The following MRPL48 variants were observed in gnomAD, a reference collection of about 807,000 sequenced individuals.
MRPL48 encodes mitochondrial ribosomal protein L48, also known as large ribosomal subunit protein mL48.
Under a neutral mutation model 32.9 loss-of-function variants are expected in MRPL48, and 16 were observed. The ratio of observed to expected loss-of-function variants is 0.49; its 90% confidence interval spans 0.33 to 0.74. The LOEUF (loss-of-function observed/expected upper bound fraction) is 0.74, where lower values mean the gene tolerates loss of function less well. MRPL48 is among the 30% of genes least tolerant of loss of function. MRPL48 has a pLI of 0.02. For synonymous variants in MRPL48, 94 were observed against 89.2 expected (o/e 1.05, Z -0.31); for missense variants, 206 against 245.3 (o/e 0.84, Z 1.07).
intron 1 of MRPL48, among the ~76,000 whole-genome samples, chr11:73,796,354 G>A (rs1362416801): frequency 6.6e-6 from 1 of 152,264 alleles, no homozygotes; most frequent in Non-Finnish European, 1.5e-5. Context: ...CACCAGCTCT[G>A]ATCTTGGAGC....
At chr11:73,818,923 A>AT (rs1427144791) in intron 3 of MRPL48, among the ~76,000 whole-genome samples, 5 of 152,186 alleles carry the variant, frequency 3.3e-5, no homozygotes, top group Non-Finnish European at 7.3e-5. Flanking sequence ...TAATTGAAAG[A>AT]TTTTTAAAGC....
At chr11:73,788,077 G>C in intron 1 of MRPL48, 85 bp downstream of exon 1, 2 of 1,567,814 alleles carry the variant, frequency 1.3e-6, no homozygotes, top group East Asian at 2.3e-5. Flanking sequence ...AGAGCGGGGA[G>C]GTGGCGGCGC....
rs1323804364 is a variant in MRPL48 at position 73,808,364 on chromosome 11, A to G, written c.112+14A>G. The G allele has an allele frequency of 1.9e-6, 3 of 1,603,878 alleles. No homozygotes were observed. The highest frequency in any genetic ancestry group is 2.2e-5 in the East Asian group (1 of 44,792). ...TCTATTCTGTAGGTAAGCAGTTTTT[A>G]CCTGATGTAGTTGGCCTGCTTTAAG... On this transcript the variant is annotated intron_variant, in intron 3 of 7. Coordinates refer to ENST00000310614, the MANE Select transcript of MRPL48 (RefSeq NM_016055.6).
chr11:73,808,472 C>T lies in MRPL48; in HGVS notation c.112+122C>T, dbSNP rs573081045. The T allele has an allele frequency of 3.5e-5, 33 of 929,696 alleles. No homozygotes were observed. The East Asian group carries it at 8.2e-4, about 23-fold the overall frequency. The allele number at this position is 929,696 out of a possible 1,614,324, so 57.6% of individuals were successfully genotyped here. On this transcript the variant is annotated intron_variant, in intron 3 of 7. Transcript: ENST00000310614. ...GAACAGTGGCCTGAACCAAACCCCA[C>T]CCCTCCATGTGAGCATGGAATAGAA...
chr11:73,863,417 G>A (rs1397709247), intron 7 of MRPL48, among the ~76,000 whole-genome samples, 156 bp downstream of exon 7: 4 of 152,166 alleles, frequency 2.6e-5, no homozygotes, highest in African/African-American at 9.7e-5. Context: ...ATGACACTGT[G>A]ATCATTAGTC....
chr11:73,799,801 A>G (rs1947324325), intron 1 of MRPL48, among the ~76,000 whole-genome samples: 1 of 152,202 alleles, frequency 6.6e-6, no homozygotes, highest in African/African-American at 2.4e-5. Context: ...ACAAAGAACT[A>G]TGCCTCACAG....
At chr11:73,840,815 A>T (rs980897830) in intron 4 of MRPL48, among the ~76,000 whole-genome samples, 1 of 152,146 alleles carries the variant, frequency 6.6e-6, no homozygotes, top group African/African-American at 2.4e-5. Flanking sequence ...TGTCTCACAA[A>T]AAAATAAAAT....
chr11:73,844,680 G>T, intron 4 of MRPL48, 127 bp from the exon 5 acceptor site: 1 of 1,032,084 alleles, frequency 9.7e-7, no homozygotes, highest in Admixed American at 2.9e-5. Flanking sequence ...GTTTGTAGGT[G>T]GGGTAACCTG....
chr11:73,791,580 C>T (rs1947155180), intron 1 of MRPL48, among the ~76,000 whole-genome samples: 2 of 151,948 alleles, frequency 1.3e-5, no homozygotes, highest in South Asian at 4.2e-4. Context: ...CCGTGCCTGG[C>T]TAATTTTTTG....
chr11:73,821,733 G>A (rs1341156270), intron 3 of MRPL48, among the ~76,000 whole-genome samples: 4 of 152,068 alleles, frequency 2.6e-5, no homozygotes, highest in Non-Finnish European at 4.4e-5. Context: ...TGTATTGCAG[G>A]GACTTAGTCT....
At chr11:73,850,671 C>A in intron 5 of MRPL48, 1 of 257,348 alleles carries the variant, frequency 3.9e-6, no homozygotes, top group Non-Finnish European at 7.4e-6. Context: ...GAGGTCTGGG[C>A]TATACAATTT....
At chr11:73,848,987 A>G (rs963984961) in intron 5 of MRPL48, among the ~76,000 whole-genome samples, 2 of 151,502 alleles carry the variant, frequency 1.3e-5, no homozygotes, top group African/African-American at 2.4e-5. Context: ...ATGCCTGGCT[A>G]ATTTTTTGTA....
chr11:73,807,746 T>A (rs976748710), intron 2 of MRPL48, among the ~76,000 whole-genome samples: 1 of 150,346 alleles, frequency 6.7e-6, no homozygotes, highest in Non-Finnish European at 1.5e-5. Context: ...CAGGTGATTC[T>A]CCTGCCTCAG....
At chr11:73,812,533 T>C (rs1947583482) in intron 3 of MRPL48, among the ~76,000 whole-genome samples, 1 of 151,488 alleles carries the variant, frequency 6.6e-6, no homozygotes, top group African/African-American at 2.4e-5. Flanking sequence ...CCAAACTGGG[T>C]TTTATAAAAC....
rs537871023 is a variant in MRPL48 at position 73,789,954 on chromosome 11, G to A, written c.21+1962G>A. On this transcript the variant is annotated intron_variant, in intron 1 of 7. Transcript: ENST00000310614. ...TTTGTCACCCAGGCTAGAGTGCAAT[G>A]GTGCAGTCATAGTTTACTAAATCCT... 2.6e-5 allele frequency among the ~76,000 whole-genome samples: 4 copies of A among 152,056 alleles called. No homozygotes were observed. In the South Asian group the frequency reaches 8.3e-4, roughly 32 times the overall value.
chr11:73,826,731 T>G (rs1295141283), intron 4 of MRPL48, among the ~76,000 whole-genome samples: 1 of 151,550 alleles, frequency 6.6e-6, no homozygotes, highest in Non-Finnish European at 1.5e-5. Flanking sequence ...CTGCCTGCCT[T>G]GACCTCTGAA....
In MRPL48 at chr11:73,863,996, TTCTC is replaced by T. The variant is rs145540790; in HGVS notation, c.565-287_565-284del. On this transcript the variant is annotated intron_variant, in intron 7 of 7. Transcript: ENST00000310614. ...ATTTCCTATGTAAATAATTTTGGTATTCTCTCTCTCTCTCTCAAATGCTTCTATT... is the reference window on the plus strand; with the variant it reads ...ATTTCCTATGTAAATAATTTTGGTATTCTCTCTCTCTCAAATGCTTCTATT... 4.0e-4 allele frequency among the ~76,000 whole-genome samples: 61 copies of T among 151,620 alleles called. No individual in the cohort carries two copies. In the Middle Eastern group the frequency reaches 0.014, roughly 34 times the overall value.
intron 3 of MRPL48, among the ~76,000 whole-genome samples, chr11:73,819,450 T>C (rs1947734373): frequency 6.6e-6 from 1 of 152,220 alleles, no homozygotes; most frequent in Admixed American, 6.5e-5. Flanking sequence ...TTCTTTTTTA[T>C]TTACATAAAA....
At chr11:73,840,111 A>C (rs12421900) in intron 4 of MRPL48, among the ~76,000 whole-genome samples, 14,589 of 151,906 alleles carry the variant, frequency 0.096, 789 homozygotes, top group South Asian at 0.26. Flanking sequence ...AAAAAAAAAA[A>C]AACTCAGTTT....
Sources: gnomAD v4.1 joint callset for allele counts (sites outside exome capture counted in the v4.1 genomes callset) on GRCh38, gnomAD v4.1.1 for gene constraint, MANE v1.5 for transcripts, NCBI Gene and HGNC (gene_info 2026-07-23, HGNC 2026-07-21) for gene names.